Variants in HCN1 observed in about 807,000 individuals in gnomAD.
HCN1 encodes the protein hyperpolarization activated cyclic nucleotide gated potassium channel 1, also known as potassium/sodium hyperpolarization-activated cyclic nucleotide-gated channel 1.
Under a neutral mutation model 78.9 loss-of-function variants are expected in HCN1, and 13 were observed. The ratio of observed to expected loss-of-function variants is 0.16; its 90% CI spans 0.11 to 0.26. HCN1 has a LOEUF of 0.26. HCN1 is among the 10% of genes least tolerant of loss of function. The probability of loss-of-function intolerance (pLI) is 1.00; values close to 1 mark genes in which losing one functional copy is unlikely to be tolerated. For missense variants in HCN1, 810 were observed against 1,154.3 expected, an observed-to-expected ratio of 0.70 and a Z score of 4.32; for synonymous variants, 552 against 455.5, an observed-to-expected ratio of 1.21 and a Z score of -2.70.
chr5:45,574,684 G>A (rs1287723562), intron 2 of HCN1: 2 of 152,142 alleles, frequency 1.3e-5, no homozygotes, highest in African/African-American at 2.4e-5. Flanking sequence ...CAAAATCTAC[G>A]TTTCTTATGC....
chr5:45,388,416 G>A (rs1747971497), intron 4 of HCN1, among the ~76,000 whole-genome samples: 1 of 152,150 alleles, frequency 6.6e-6, no homozygotes, highest in Admixed American at 6.6e-5. Flanking sequence ...CTTGTCATGA[G>A]CTGGAAGACA....
chr5:45,359,503 T>C (rs1747070986), intron 4 of HCN1, among the ~76,000 whole-genome samples: 1 of 151,716 alleles, frequency 6.6e-6, no homozygotes, highest in South Asian at 2.1e-4. Flanking sequence ...ACCTGTGGGG[T>C]ATCTATGTGT....
At chr5:45,581,638 G>T (rs905812370) in intron 2 of HCN1, among the ~76,000 whole-genome samples, 4 of 152,076 alleles carry the variant, frequency 2.6e-5, no homozygotes, top group African/African-American at 9.7e-5. Context: ...TTCTTCTAGG[G>T]TTTTTATGGT....
intron 2 of HCN1, among the ~76,000 whole-genome samples, chr5:45,570,524 T>A (rs540059866): frequency 3.9e-5 from 6 of 152,166 alleles, no homozygotes; most frequent in Non-Finnish European, 8.8e-5. Flanking sequence ...AGCTATTTTG[T>A]TGCTTTCCTG....
chr5:45,605,213 T>C (rs919252244), intron 2 of HCN1, among the ~76,000 whole-genome samples: 21 of 151,702 alleles, frequency 1.4e-4, no homozygotes, highest in Non-Finnish European at 2.2e-4. Context: ...GGTACCTTTA[T>C]TTGTGAATCT....
intron 3 of HCN1, among the ~76,000 whole-genome samples, chr5:45,443,692 A>G (rs999941640): frequency 6.6e-6 from 1 of 152,118 alleles, no homozygotes; most frequent in Non-Finnish European, 1.5e-5. Context: ...GAATTGTGAA[A>G]TATGCAACTT....
At chr5:45,556,321 C>T (rs1382330463) in intron 2 of HCN1, among the ~76,000 whole-genome samples, 1 of 151,934 alleles carries the variant, frequency 6.6e-6, no homozygotes, top group East Asian at 1.9e-4. Flanking sequence ...TAATACATTA[C>T]CAAGGAACTC....
rs2111838973 is a variant in HCN1 at position 45,262,268 on chromosome 5, T to C, written c.2326A>G (p.Asn776Asp). Reference sequence around the variant, plus strand: ...CTGACTTCCCGGGTCAGGTTGGTGTTGTGAAGCGCCTGCGTGCTCTTGTGC... The same window carrying C: ...CTGACTTCCCGGGTCAGGTTGGTGTCGTGAAGCGCCTGCGTGCTCTTGTGC... ...EVHKSTQALH[N>D]TNLTREVRPL... Residue 776 changes from asparagine (N) to aspartate (D), a missense_variant, in exon 8 of 8, where the codon AAC becomes GAC. By Grantham distance (23) the Asn-to-Asp change is conservative. This residue lies in a region of HCN1 where 398 missense variants were observed against 381.3 expected (regional missense o/e 1.04). Coordinates refer to ENST00000303230, the MANE Select transcript of HCN1 (RefSeq NM_021072.4). 1.2e-6 allele frequency: 2 copies of C among 1,614,026 alleles called. No individual in the cohort carries two copies. The highest frequency in any genetic ancestry group is 1.7e-6 in the Non-Finnish European group (2 of 1,180,018).
chr5:45,498,777 G>C (rs978333952), intron 2 of HCN1, among the ~76,000 whole-genome samples: 3 of 152,146 alleles, frequency 2.0e-5, no homozygotes, highest in East Asian at 3.9e-4. Context: ...GATGTCCTTT[G>C]TGTTTGTTAG....
intron 3 of HCN1, among the ~76,000 whole-genome samples, chr5:45,397,170 G>A (rs1313585209): frequency 1.3e-5 from 2 of 152,032 alleles, no homozygotes; most frequent in Non-Finnish European, 2.9e-5. Flanking sequence ...TATTGATATA[G>A]CTGTATAGTC....
At chr5:45,303,402 C>G (rs1009738045) in intron 6 of HCN1, among the ~76,000 whole-genome samples, 197 bp downstream of exon 6, 1 of 152,018 alleles carries the variant, frequency 6.6e-6, no homozygotes, top group Non-Finnish European at 1.5e-5. Context: ...ATATCTCAAC[C>G]AATGTAGTAG....
intron 2 of HCN1, among the ~76,000 whole-genome samples, chr5:45,623,548 G>A (rs1477387773): frequency 1.3e-5 from 2 of 152,128 alleles, no homozygotes; most frequent in Admixed American, 6.5e-5. Context: ...CTGCAGCTGG[G>A]TAAAAAGGCA....
At chr5:45,511,532 A>T (rs2111757491) in intron 2 of HCN1, among the ~76,000 whole-genome samples, 1 of 152,198 alleles carries the variant, frequency 6.6e-6, no homozygotes, top group East Asian at 1.9e-4. Flanking sequence ...GTTTAATTAG[A>T]GAATGGTATA....
chr5:45,658,578 C>A lies in HCN1; in HGVS notation c.426-12970G>T, dbSNP rs1452309821. ...TCACTAGGGAGTGCCAGACAGTGGG[C>A]GCAGGCCAGTGTGTGCGCGCACCGT... is the stretch of plus-strand genomic sequence containing the variant. On this transcript the variant is annotated intron_variant, in intron 1 of 7. Coordinates refer to ENST00000303230, the MANE Select transcript of HCN1 (RefSeq NM_021072.4). 3.2e-4 allele frequency among the ~76,000 whole-genome samples: 49 copies of A among 151,948 alleles called. No homozygotes were observed. In the South Asian group the frequency reaches 8.7e-3, roughly 27 times the overall value.
intron 2 of HCN1, among the ~76,000 whole-genome samples, chr5:45,613,011 T>A (rs1006149263): frequency 6.6e-6 from 1 of 152,158 alleles, no homozygotes; most frequent in East Asian, 1.9e-4. Flanking sequence ...AATTCTTTTT[T>A]TTATTATTAT....
intron 1 of HCN1, among the ~76,000 whole-genome samples, chr5:45,695,306 G>C (rs1344381977): frequency 6.6e-6 from 1 of 152,100 alleles, no homozygotes; most frequent in Non-Finnish European, 1.5e-5. Flanking sequence ...GCGAGGAAGG[G>C]TGGCTTCCCG....
At chr5:45,332,864 T>C in intron 5 of HCN1, among the ~76,000 whole-genome samples, 1 of 151,674 alleles carries the variant, frequency 6.6e-6, no homozygotes, top group Non-Finnish European at 1.5e-5. Context: ...TGTATAAGTA[T>C]CACATTTTCC....
intron 5 of HCN1, among the ~76,000 whole-genome samples, chr5:45,312,796 C>A (rs1327102506): frequency 2.0e-5 from 3 of 152,164 alleles, no homozygotes; most frequent in Non-Finnish European, 4.4e-5. Context: ...GATAGAATCG[C>A]AAGGTGGCAG....
intron 2 of HCN1, among the ~76,000 whole-genome samples, chr5:45,538,534 G>C (rs1743017602): frequency 6.6e-6 from 1 of 152,138 alleles, no homozygotes. Context: ...TAGTAAGTAA[G>C]TGATGGAACT....
Sources: gnomAD v4.1 joint callset for allele counts (sites outside exome capture counted in the v4.1 genomes callset) on GRCh38, gnomAD v4.1.1 for gene constraint, gnomAD v4.1.1 regional missense constraint, MANE v1.5 for transcripts, NCBI Gene and HGNC (gene_info 2026-07-23, HGNC 2026-07-21) for gene names.